The following PTCHD4 variants were observed in gnomAD, a reference collection of about 807,000 sequenced individuals.
PTCHD4 encodes the protein patched domain-containing protein 4.
In PTCHD4, 33 loss-of-function variants were observed where a neutral mutation model predicts 58.1. The observed-to-expected ratio is 0.57, with a 90% CI of 0.43 to 0.76. The LOEUF (loss-of-function observed/expected upper bound fraction) is 0.76, where lower values mean the gene tolerates loss of function less well. Among genes scored for constraint, PTCHD4 ranks in the 30% least tolerant of loss-of-function variants. The pLI, the probability that PTCHD4 is intolerant of heterozygous loss-of-function variation, is 0.00. For synonymous variants in PTCHD4, 478 were observed against 409.6 expected, an observed-to-expected ratio of 1.17 and a Z score of -2.02; for missense variants, 1,058 against 1,027.1, an observed-to-expected ratio of 1.03 and a Z score of -0.41.
intron 4 of PTCHD4, among the ~76,000 whole-genome samples, chr6:47,897,975 C>T (rs549858721): frequency 5.6e-5 from 6 of 106,782 alleles, no homozygotes; most frequent in Admixed American, 1.3e-4. Flanking sequence ...GAGACAGAGT[C>T]GCTTTGTTGC....
chr6:48,036,020 A>G (rs1439003072), intron 3 of PTCHD4, among the ~76,000 whole-genome samples: 1 of 152,064 alleles, frequency 6.6e-6, no homozygotes, highest in Non-Finnish European at 1.5e-5. Flanking sequence ...GTGTCATTGA[A>G]TAACATTTTT....
chr6:47,905,837 T>G (rs1036865939), intron 4 of PTCHD4, among the ~76,000 whole-genome samples: 1 of 152,310 alleles, frequency 6.6e-6, no homozygotes, highest in East Asian at 1.9e-4. Flanking sequence ...CTACCCTTTT[T>G]CTTGTTGCTA....
chr6:47,884,357 A>G (rs1161325487), intron 4 of PTCHD4, among the ~76,000 whole-genome samples: 1 of 152,068 alleles, frequency 6.6e-6, no homozygotes, highest in Non-Finnish European at 1.5e-5. Context: ...CCATTTTTCG[A>G]GCATCTGCTC....
At chr6:48,032,395 G>A (rs377303205) in intron 3 of PTCHD4, among the ~76,000 whole-genome samples, 4 of 151,668 alleles carry the variant, frequency 2.6e-5, no homozygotes, top group East Asian at 1.9e-4. Context: ...AAAATAGCTC[G>A]CTCTCTCTCT....
At chr6:48,021,330 T>C (rs1345599793) in intron 3 of PTCHD4, among the ~76,000 whole-genome samples, 1 of 152,020 alleles carries the variant, frequency 6.6e-6, no homozygotes, top group Non-Finnish European at 1.5e-5. Context: ...CACACTTAAC[T>C]CCTGAGCTGA....
intron 3 of PTCHD4, among the ~76,000 whole-genome samples, chr6:48,014,597 A>G (rs113579366): frequency 6.6e-5 from 10 of 152,280 alleles, no homozygotes; most frequent in African/African-American, 2.2e-4. Flanking sequence ...GAGTATATAA[A>G]CAAATGTTTA....
intron 3 of PTCHD4, among the ~76,000 whole-genome samples, chr6:48,045,761 C>T (rs1764012384): frequency 6.6e-6 from 1 of 151,368 alleles, no homozygotes; most frequent in Non-Finnish European, 1.5e-5. Flanking sequence ...TGGTCTGATT[C>T]CAGAGATTTT....
At chr6:47,973,765 G>A (rs552844811) in intron 4 of PTCHD4, among the ~76,000 whole-genome samples, 7 of 152,278 alleles carry the variant, frequency 4.6e-5, no homozygotes, top group South Asian at 2.1e-4. Flanking sequence ...AGTATCTTAC[G>A]TTTATACAGT....
intron 4 of PTCHD4, among the ~76,000 whole-genome samples, chr6:47,925,160 T>G (rs1210198025): frequency 6.7e-6 from 1 of 149,692 alleles, no homozygotes; most frequent in Non-Finnish European, 1.5e-5. Flanking sequence ...GTATATGTGT[T>G]TATATGTGTA....
intron 4 of PTCHD4, among the ~76,000 whole-genome samples, chr6:47,887,867 T>C (rs1236569144): frequency 3.3e-5 from 5 of 152,202 alleles, no homozygotes; most frequent in African/African-American, 1.2e-4. Context: ...TTGGTTCTTA[T>C]ATAGCCCACA....
rs1236757522 is a variant in PTCHD4, at chr6:47,867,392, A to G, written c.*10911T>C. Among the ~76,000 whole-genome samples, 2 of 151,816 alleles carry G rather than the reference A, an allele frequency of 1.3e-5. No individual in the cohort carries two copies. The highest frequency in any genetic ancestry group is 3.9e-4 in the East Asian group (2 of 5,140). ...CTCAGTTTTGGGATCCTTGATTTTA[A>G]CAGTTAAAATTCAAAAATAGAGACT... On this transcript the variant is annotated 3_prime_UTR_variant, in exon 5 of 5. Transcript: ENST00000339488.
intron 3 of PTCHD4, among the ~76,000 whole-genome samples, chr6:48,064,663 G>C (rs1325905376): frequency 6.6e-6 from 1 of 152,144 alleles, no homozygotes; most frequent in Non-Finnish European, 1.5e-5. Context: ...TTGAAAAAGT[G>C]ATGATAATTT....
rs965157999 is a variant in PTCHD4 at position 47,861,323 on chromosome 6, T to G, written c.*16980A>C. On this transcript the variant is annotated 3_prime_UTR_variant, in exon 5 of 5. Coordinates refer to ENST00000339488, the MANE Select transcript of PTCHD4 (RefSeq NM_001384253.1). ...CATAAAACTATTTTTTAAAAAAATT[T>G]TATTTGTGTCTCAATTCTTGCCTGA... 2.8e-5 allele frequency among the ~76,000 whole-genome samples: 4 copies of G among 145,286 alleles called. No homozygotes were observed. The South Asian group carries it at 9.1e-4, about 33-fold the overall frequency.
chr6:47,976,470 C>T lies in PTCHD4; in HGVS notation c.898+32164G>A, dbSNP rs35243735. Among the ~76,000 whole-genome samples the T allele has an allele frequency of 6.5e-3, 990 of 151,966 alleles. 8 individuals are homozygous for T. The highest frequency in any genetic ancestry group is 0.011 in the Non-Finnish European group (750 of 67,964). On this transcript the variant is annotated intron_variant, in intron 4 of 4. Transcript: ENST00000339488. ...GAGTTCCAGACCAGCCTGGTCAACA[C>T]GGTGAAACCCCCATCTCTACTAAAA...
chr6:48,078,162 T>C (rs1347294341), intron 1 of PTCHD4, among the ~76,000 whole-genome samples: 1 of 152,240 alleles, frequency 6.6e-6, no homozygotes, highest in Non-Finnish European at 1.5e-5. Flanking sequence ...TATGATATTC[T>C]AGACTTTGAT....
intron 4 of PTCHD4, among the ~76,000 whole-genome samples, chr6:47,960,789 T>C (rs1011883637): frequency 2.0e-5 from 3 of 151,622 alleles, no homozygotes; most frequent in Non-Finnish European, 2.9e-5. Context: ...AGCTTCAAAA[T>C]ATATGAAAGA....
chr6:47,987,959 T>A (rs1768135266), intron 4 of PTCHD4, among the ~76,000 whole-genome samples: 2 of 152,034 alleles, frequency 1.3e-5, no homozygotes, highest in Admixed American at 6.6e-5. Context: ...GTATTTTTAG[T>A]AGAGATGGGT....
chr6:48,051,582 C>A (rs1276192385), intron 3 of PTCHD4, among the ~76,000 whole-genome samples: 9 of 151,938 alleles, frequency 5.9e-5, no homozygotes, highest in African/African-American at 2.2e-4. Flanking sequence ...GTTTTTTCAT[C>A]TTAATATTTC....
Position 47,875,810 on chromosome 6 carries a change from CT to C in PTCHD4, c.*2492del, listed in dbSNP as rs1763832167. Among the ~76,000 whole-genome samples, 1 of 151,764 alleles carries C rather than the reference CT, an allele frequency of 6.6e-6. No homozygotes were observed. The highest frequency in any genetic ancestry group is 6.6e-5 in the Admixed American group (1 of 15,186). On this transcript the variant is annotated 3_prime_UTR_variant, in exon 5 of 5. Coordinates refer to ENST00000339488, the MANE Select transcript of PTCHD4 (RefSeq NM_001384253.1). Reference sequence around the variant, plus strand: ...ACAACTGGCATGCTTGATTCTTTCCCTGTAAATCAGCCTGCCATTCTTCTTT... The same window carrying C: ...ACAACTGGCATGCTTGATTCTTTCCCGTAAATCAGCCTGCCATTCTTCTTT...
Sources: allele counts gnomAD v4.1 joint callset (sites outside exome capture counted in the v4.1 genomes callset), GRCh38; gene constraint gnomAD v4.1.1; transcripts MANE v1.5; gene names NCBI Gene and HGNC (gene_info 2026-07-23, HGNC 2026-07-21).